DENND1B: variants seen among roughly 807,000 people sequenced by gnomAD.
DENND1B encodes the protein DENN domain containing 1B, also known as DENN domain-containing protein 1B.
In DENND1B, 59 loss-of-function variants were observed where a neutral mutation model predicts 90.1. The observed-to-expected ratio is 0.65, with a 90% CI of 0.53 to 0.81. DENND1B has a LOEUF of 0.81. Ranked by LOEUF, DENND1B falls within the 40% of genes least tolerant of loss-of-function variation. DENND1B has a pLI of 0.00. For missense variants in DENND1B, 862 were observed against 912.6 expected, an observed-to-expected ratio of 0.94 and a Z score of 0.71; for synonymous variants, 337 against 324.6, an observed-to-expected ratio of 1.04 and a Z score of -0.41.
intron 2 of DENND1B, among the ~76,000 whole-genome samples, chr1:197,765,920 T>G: frequency 6.6e-6 from 1 of 152,212 alleles, no homozygotes; most frequent in Non-Finnish European, 1.5e-5. Context: ...GATTTGCTTT[T>G]TACACTTGCA....
chr1:197,553,066 G>C lies in DENND1B; in HGVS notation c.1196C>G (p.Ser399Cys), dbSNP rs1484891184. ...AGTGATCTCTTCTTCAAATACATCA[G>C]AGAAACCCCTTCCTGCATTTAGTTT... ...LAKLNAGRGF[S>C]DVFEEEITSG... The change falls in exon 16 of 23, where the codon TCT becomes TGT. Residue 399 changes from serine (S) to cysteine (C), a missense_variant. Transcript: ENST00000620048. 10 of 1,557,952 alleles carry C rather than the reference G, an allele frequency of 6.4e-6. No individual in the cohort carries two copies. The highest frequency in any genetic ancestry group is 6.9e-6 in the Non-Finnish European group (8 of 1,159,010).
chr1:197,525,942 T>G (rs1044727444), intron 20 of DENND1B, among the ~76,000 whole-genome samples: 31 of 152,110 alleles, frequency 2.0e-4, no homozygotes, highest in African/African-American at 6.8e-4. Flanking sequence ...TGATATTATA[T>G]TCATATGTTA....
chr1:197,560,596 A>G (rs1672081100), intron 15 of DENND1B, among the ~76,000 whole-genome samples: 1 of 151,898 alleles, frequency 6.6e-6, no homozygotes, highest in Non-Finnish European at 1.5e-5. Flanking sequence ...CAAAGGGAAT[A>G]GCCAGAGTAA....
intron 4 of DENND1B, 125 bp from the exon 5 acceptor site, chr1:197,672,281 C>T (rs900065409): frequency 2.6e-6 from 3 of 1,165,660 alleles, no homozygotes; most frequent in African/African-American, 3.1e-5. Context: ...GTTCTTGAAG[C>T]TAGAACTATG....
At chr1:197,529,414 T>C (rs896655089) in intron 20 of DENND1B, among the ~76,000 whole-genome samples, 1 of 150,672 alleles carries the variant, frequency 6.6e-6, no homozygotes, top group African/African-American at 2.4e-5. Flanking sequence ...GTGCCAGGGT[T>C]TTAATAGGGC....
chr1:197,625,099 T>C (rs1678547349), intron 10 of DENND1B, among the ~76,000 whole-genome samples: 2 of 152,060 alleles, frequency 1.3e-5, no homozygotes, highest in African/African-American at 4.8e-5. Context: ...CTCTGCAGGA[T>C]ATTATCCAGA....
chr1:197,699,428 T>C (rs975281940), intron 3 of DENND1B, among the ~76,000 whole-genome samples: 1 of 152,134 alleles, frequency 6.6e-6, no homozygotes, highest in East Asian at 1.9e-4. Flanking sequence ...ATAAGAGTTA[T>C]TTATGACAAA....
intron 2 of DENND1B, among the ~76,000 whole-genome samples, chr1:197,763,749 C>T (rs914124573): frequency 6.6e-6 from 1 of 152,226 alleles, no homozygotes; most frequent in Non-Finnish European, 1.5e-5. Context: ...CAAGATCTCC[C>T]CACTCCTCTA....
intron 3 of DENND1B, among the ~76,000 whole-genome samples, chr1:197,696,368 C>A (rs890840069): frequency 4.6e-5 from 7 of 151,326 alleles, no homozygotes; most frequent in Non-Finnish European, 1.0e-4. Context: ...GTAACATATG[C>A]ACTTTTCTAA....
At chr1:197,737,035 A>G (rs967486453) in intron 2 of DENND1B, among the ~76,000 whole-genome samples, 5 of 152,242 alleles carry the variant, frequency 3.3e-5, no homozygotes, top group African/African-American at 7.2e-5. Flanking sequence ...CACATAAAAA[A>G]GCCTATTCTG....
intron 10 of DENND1B, among the ~76,000 whole-genome samples, chr1:197,633,909 C>T (rs1173640074): frequency 1.3e-5 from 2 of 152,132 alleles, no homozygotes; most frequent in Admixed American, 6.5e-5. Flanking sequence ...TAGTCTGCTG[C>T]GAGTGAGGCA....
chr1:197,763,053 G>A (rs1655286275), intron 2 of DENND1B, among the ~76,000 whole-genome samples: 1 of 152,136 alleles, frequency 6.6e-6, no homozygotes, highest in African/African-American at 2.4e-5. Flanking sequence ...GCTCACACCT[G>A]TAATCCCAGC....
At chr1:197,670,393 G>A (rs1252914467) in intron 5 of DENND1B, among the ~76,000 whole-genome samples, 1 of 146,626 alleles carries the variant, frequency 6.8e-6, no homozygotes, top group Non-Finnish European at 1.5e-5. Context: ...TGAAAATGAT[G>A]TTTACTCTCA....
At chr1:197,764,533 T>TA (rs1053777061) in intron 2 of DENND1B, among the ~76,000 whole-genome samples, 195 of 152,250 alleles carry the variant, frequency 1.3e-3, no homozygotes, top group African/African-American at 4.5e-3. Flanking sequence ...CTTATACACT[T>TA]ACTAAAGTTG....
At chr1:197,587,886 A>C in intron 14 of DENND1B, among the ~76,000 whole-genome samples, 1 of 152,010 alleles carries the variant, frequency 6.6e-6, no homozygotes, top group East Asian at 1.9e-4. Context: ...TCTGGGGGTA[A>C]TGGGAGACAG....
In DENND1B at chr1:197,685,852, C is replaced by T. The variant is rs1447000815; in HGVS notation, c.127-11683G>A. On this transcript the variant is annotated intron_variant, in intron 3 of 22. Transcript: ENST00000620048. ...TTTTGCAAACTTATACTACCTTATC[C>T]ATTATAGAAGACCAACCTCTTGGAA... 3.3e-5 allele frequency: 5 copies of T among 152,032 alleles called. No homozygotes were observed. The East Asian group carries it at 5.8e-4, about 18-fold the overall frequency. The allele number at this position is 152,032 out of a possible 1,614,324, so 9.4% of individuals were successfully genotyped here.
intron 3 of DENND1B, among the ~76,000 whole-genome samples, chr1:197,707,123 C>T (rs1571436539): frequency 6.6e-6 from 1 of 152,036 alleles, no homozygotes; most frequent in Non-Finnish European, 1.5e-5. Context: ...CACAGATGGG[C>T]TTGGAGGATA....
Position 197,508,108 on chromosome 1 carries a change from G to C in DENND1B, c.*2352C>G, listed in dbSNP as rs1200428519. ...TTTGGATTTCTGAAGCCGTGATGTT[G>C]ATAAAGCAAATGGACTAAAAACCAA... On this transcript the variant is annotated 3_prime_UTR_variant, in exon 23 of 23. Coordinates refer to ENST00000620048, the MANE Select transcript of DENND1B (RefSeq NM_001195215.2). 6.6e-6 allele frequency: 1 copy of C among 151,286 alleles called. No homozygotes were observed. The highest frequency in any genetic ancestry group is 1.5e-5 in the Non-Finnish European group (1 of 67,628). 9.4% of individuals were successfully genotyped at this position (151,286 alleles called of 1,614,324 possible). A position where few individuals can be genotyped will look rare whatever the true frequency, so the allele number is the denominator to read the frequency against.
chr1:197,756,384 G>T (rs537055978), intron 2 of DENND1B, among the ~76,000 whole-genome samples: 1 of 151,846 alleles, frequency 6.6e-6, no homozygotes, highest in African/African-American at 2.4e-5. Context: ...AGACCAGCCC[G>T]GCCAACAAAG....
Sources: gnomAD v4.1 joint callset for allele counts (sites outside exome capture counted in the v4.1 genomes callset) on GRCh38, gnomAD v4.1.1 for gene constraint, MANE v1.5 for transcripts, NCBI Gene and HGNC (gene_info 2026-07-23, HGNC 2026-07-21) for gene names.